The following TUBD1 variants were observed in gnomAD, a reference collection of about 807,000 sequenced individuals.
TUBD1 encodes the protein tubulin delta 1.
In TUBD1, 38 loss-of-function variants were observed where a neutral mutation model predicts 51.2. The ratio of observed to expected loss-of-function variants is 0.74; its 90% CI spans 0.57 to 0.97. The LOEUF (loss-of-function observed/expected upper bound fraction) is 0.97. Ranked by LOEUF, TUBD1 falls within the 50% of genes least tolerant of loss-of-function variation. The pLI, the probability that TUBD1 is intolerant of heterozygous loss-of-function variation, is 0.00. For missense variants in TUBD1, 489 were observed against 538.4 expected, an observed-to-expected ratio of 0.91 and a Z score of 0.91; for synonymous variants, 169 against 178.2, an observed-to-expected ratio of 0.95 and a Z score of 0.41.
chr17:59,891,337 G>T (rs929751719), intron 1 of TUBD1, among the ~76,000 whole-genome samples: 1 of 144,246 alleles, frequency 6.9e-6, no homozygotes, highest in Non-Finnish European at 1.5e-5. Flanking sequence ...CACCATGTTG[G>T]CCAGGTTGGT....
intron 7 of TUBD1, among the ~76,000 whole-genome samples, 193 bp from the exon 8 acceptor site, chr17:59,864,040 G>A (rs957011906): frequency 6.6e-6 from 1 of 151,262 alleles, no homozygotes; most frequent in African/African-American, 2.4e-5. Flanking sequence ...CCAGGAGTTC[G>A]AGACCAGCCT....
In TUBD1 at chr17:59,863,689, T is replaced by C. The variant is rs1221820632; in HGVS notation, c.1234A>G (p.Lys412Glu). Residue 412 changes from lysine (K) to glutamate (E), a missense_variant, in exon 8 of 9, where the codon AAG (lysine) becomes GAG (glutamate). Coordinates refer to ENST00000325752, the MANE Select transcript of TUBD1 (RefSeq NM_016261.4). ...LVKPLDMIVG[K>E]AWNMFASKAY... ...TTTGAAGCAAACATATTCCATGCCT[T>C]CCCAACAATCATATCAAGTGGTTTT... 1.3e-6 allele frequency: 2 copies of C among 1,589,698 alleles called. No homozygotes were observed. Among genetic ancestry groups the C allele is most frequent in the East Asian group, 4.5e-5 (2 of 44,268 alleles).
chr17:59,871,840 G>C (rs2039993831), intron 6 of TUBD1, among the ~76,000 whole-genome samples: 1 of 152,052 alleles, frequency 6.6e-6, no homozygotes, highest in African/African-American at 2.4e-5. Flanking sequence ...CTGTTGCCCA[G>C]GCTGGAGTGC....
chr17:59,873,407 G>T (rs2144496092), intron 6 of TUBD1, among the ~76,000 whole-genome samples: 1 of 151,912 alleles, frequency 6.6e-6, no homozygotes, highest in East Asian at 2.0e-4. Flanking sequence ...ATGTCACCAT[G>T]TCCAGATAAT....
intron 6 of TUBD1, among the ~76,000 whole-genome samples, chr17:59,871,344 C>T (rs1333207943): frequency 3.9e-5 from 6 of 151,938 alleles, no homozygotes; most frequent in South Asian, 2.1e-4. Flanking sequence ...GGACTACAGG[C>T]GCCCGCCACC....
Position 59,874,588 on chromosome 17 carries a change from G to A in TUBD1, c.885C>T (p.Leu295=). The change falls in exon 6 of 9, where the codon CTC becomes CTT. Residue 295 remains leucine, a synonymous_variant. Coordinates refer to ENST00000325752, the MANE Select transcript of TUBD1 (RefSeq NM_016261.4). ...TGAGCATCTGTCTCAAATGCTTGAG[G>A]AGGCCAGCCCAAGTAAATGTGGTGT... ...LAYTTFTWAG[L]LKHLRQMLIS... is the part of the protein sequence containing the mutation. 1 of 1,613,312 alleles carries A rather than the reference G, an allele frequency of 6.2e-7. No homozygotes were observed.
chr17:59,885,650 G>T, intron 3 of TUBD1: 1 of 687,902 alleles, frequency 1.5e-6, no homozygotes, highest in Non-Finnish European at 2.5e-6. Flanking sequence ...CAGTGCTGTG[G>T]TTAAAAAAAC....
intron 3 of TUBD1, among the ~76,000 whole-genome samples, chr17:59,884,280 T>A (rs766027221): frequency 1.6e-4 from 23 of 142,258 alleles, no homozygotes; most frequent in African/African-American, 5.5e-4. Context: ...AAAAAAAAAA[T>A]TTTGCTGCAC....
At chr17:59,868,091 C>T (rs2039790858) in intron 6 of TUBD1, among the ~76,000 whole-genome samples, 2 of 121,452 alleles carry the variant, frequency 1.6e-5, no homozygotes, top group African/African-American at 3.3e-5. Context: ...GGTGAAACCC[C>T]ATCTCCACTA....
In TUBD1 at chr17:59,878,277, C is replaced by G; in HGVS notation, c.595G>C (p.Asp199His). 6.2e-7 allele frequency: 1 copy of G among 1,613,964 alleles called. No individual in the cohort carries two copies. The highest frequency in any genetic ancestry group is 8.5e-7 in the Non-Finnish European group (1 of 1,180,014). Residue 199 changes from aspartate (D) to histidine (H), a missense_variant, in exon 5 of 9, where the codon GAC (aspartate) becomes CAC (histidine). Asp to His is a moderately conservative substitution (Grantham distance 81). Transcript: ENST00000325752. ...TCATTCTCATGAAGAAGGAGGGCGTCTGAAGATCGGTACAAGTGAGAAAGT... is the reference window on the plus strand; with the variant it reads ...TCATTCTCATGAAGAAGGAGGGCGTGTGAAGATCGGTACAAGTGAGAAAGT... ...LTLSHLYRSS[D>H]ALLLHENDAI...
intron 2 of TUBD1, among the ~76,000 whole-genome samples, chr17:59,888,164 T>C (rs1242751530): frequency 2.6e-5 from 4 of 152,142 alleles, no homozygotes; most frequent in African/African-American, 7.2e-5. Context: ...CTCGATCTCC[T>C]GACCTCATGA....
In TUBD1 at chr17:59,862,714, A is replaced by ATTTTTTTTTTTTTT. The variant is rs71145582; in HGVS notation, c.1259+936_1259+949dup. Among the ~76,000 whole-genome samples, 3 of 56,974 alleles carry ATTTTTTTTTTTTTT rather than the reference A, an allele frequency of 5.3e-5. 1 individual carries two copies. Among genetic ancestry groups the ATTTTTTTTTTTTTT allele is most frequent in the Non-Finnish European group, 6.3e-5 (2 of 31,530 alleles). The allele number at this position is 56,974 out of a possible 152,430, so 37.4% of individuals were successfully genotyped here. A position where few individuals can be genotyped will look rare whatever the true frequency, so the allele number is the denominator to read the frequency against. Reference sequence around the variant, plus strand: ...ACCACTATGCCAAGCTAATTTTTGTATTTTTTTTTTTTTTTTTTTTTTTTT... The same window carrying ATTTTTTTTTTTTTT: ...ACCACTATGCCAAGCTAATTTTTGTATTTTTTTTTTTTTTTTTTTTTTTTTTTTTTTTTTTTTTT... On this transcript the variant is annotated intron_variant, in intron 8 of 8. Transcript: ENST00000325752.
At chr17:59,863,889 T>G (rs2039578967) in intron 7 of TUBD1, 42 bp from the exon 8 acceptor site, 2 of 1,349,136 alleles carry the variant, frequency 1.5e-6, no homozygotes, top group Non-Finnish European at 1.9e-6. Context: ...ATAGCATAAA[T>G]TAGTAATTGT....
intron 5 of TUBD1, among the ~76,000 whole-genome samples, chr17:59,875,872 G>GTAC (rs1014374770): frequency 1.2e-4 from 18 of 151,844 alleles, no homozygotes; most frequent in Non-Finnish European, 2.4e-4. Context: ...AGGAGAAAGG[G>GTAC]TACTTTCCTT....
chr17:59,881,086 A>G lies in TUBD1; in HGVS notation c.345T>C (p.His115=), dbSNP rs1361632557. 1 of 1,614,154 alleles carries G rather than the reference A, an allele frequency of 6.2e-7. No homozygotes were observed. Among genetic ancestry groups the G allele is most frequent in the Admixed American group, 1.7e-5 (1 of 60,008 alleles). Residue 115 remains histidine (H), a synonymous_variant, in exon 4 of 9, where the codon CAT becomes CAC. Transcript: ENST00000325752. ...AYGYSVHGPR[H]EESIMNIIRK... is the part of the protein sequence containing the mutation. ...GGATTATGTTCATTATAGATTCTTC[A>G]TGCCTGGGTCCATGAACAGAGTAAC...
intron 6 of TUBD1, among the ~76,000 whole-genome samples, chr17:59,868,688 T>C (rs753136435): frequency 2.6e-5 from 4 of 151,460 alleles, no homozygotes; most frequent in Non-Finnish European, 5.9e-5. Flanking sequence ...AATACAAAAA[T>C]TAGCTGGGCG....
At chr17:59,870,499 C>T (rs1386304233) in intron 6 of TUBD1, among the ~76,000 whole-genome samples, 1 of 151,830 alleles carries the variant, frequency 6.6e-6, no homozygotes, top group East Asian at 1.9e-4. Flanking sequence ...GAGGAGTGCG[C>T]TCTTCCACCC....
In TUBD1 at chr17:59,868,922, T is replaced by C. The variant is rs148795574; in HGVS notation, c.935-2173A>G. Among the ~76,000 whole-genome samples the C allele has an allele frequency of 4.8e-4, 72 of 150,960 alleles. 3 individuals carry two copies. The East Asian group carries it at 0.013, about 26-fold the overall frequency. The stretch of plus-strand genomic sequence containing the variant: ...TAGTCCTAGCTATAGGAAGCTGCGA[T>C]AGGAGGATCACTTGAGCCCAGGAGT... On this transcript the variant is annotated intron_variant, in intron 6 of 8. Transcript: ENST00000325752.
At position 59,886,134 on chromosome 17, in the gene TUBD1, T is replaced by C. The variant is rs2144565379; in HGVS notation, c.269A>G (p.Gln90Arg). Residue 90 changes from glutamine (Q) to arginine (R), a missense_variant, in exon 3 of 9, where the codon CAA (glutamine) becomes CGA (arginine). Coordinates refer to ENST00000325752, the MANE Select transcript of TUBD1 (RefSeq NM_016261.4). ...AAQSGQWKYG[Q>R]HACFCQKQGS... ...TTGTTTTTGACAGAAGCATGCATGT[T>C]GACCATATTTCCATTGGCCAGACTG... 6.2e-7 allele frequency: 1 copy of C among 1,614,126 alleles called. No individual in the cohort carries two copies. The highest frequency in any genetic ancestry group is 1.1e-5 in the South Asian group (1 of 91,076).
Sources: allele counts gnomAD v4.1 joint callset (sites outside exome capture counted in the v4.1 genomes callset), GRCh38; gene constraint gnomAD v4.1.1; transcripts MANE v1.5; gene names NCBI Gene and HGNC (gene_info 2026-07-23, HGNC 2026-07-21).